Variants in RPS4Y1 observed in about 807,000 individuals in gnomAD.
RPS4Y1 encodes the protein ribosomal protein S4 Y-linked 1.
For missense variants in RPS4Y1, 30 were observed against 60.9 expected (o/e 0.49, Z 1.69); for synonymous variants, 23 against 20.8 (o/e 1.10, Z -0.28).
chrY:2,855,751 A>G (rs2051159515), intron 5 of RPS4Y1, among the ~76,000 whole-genome samples: 1 of 33,943 alleles, frequency 2.9e-5, no homozygotes, highest in Admixed American at 2.6e-4. Flanking sequence ...CTGTTGTTTG[A>G]TTTCAGTGTG....
chrY:2,842,712 A>G, intron 2 of RPS4Y1, among the ~76,000 whole-genome samples: 2 of 33,067 alleles, frequency 6.0e-5, no homozygotes, highest in Non-Finnish European at 1.5e-4. Flanking sequence ...TGTGTGAGAA[A>G]GTCTGGAGGC....
chrY:2,854,550 G>A, intron 4 of RPS4Y1, 50 bp from the exon 5 acceptor site: 1 of 323,876 alleles, frequency 3.1e-6, no homozygotes, highest in Non-Finnish European at 4.6e-6. Flanking sequence ...ACTGCTTTAG[G>A]CTGGCTTTGT....
chrY:2,861,846 T>A, intron 5 of RPS4Y1, among the ~76,000 whole-genome samples: 1 of 30,473 alleles, frequency 3.3e-5, no homozygotes, highest in Non-Finnish European at 7.8e-5. Context: ...ACTCCCAACC[T>A]CAGGTGATCC....
At chrY:2,851,785 C>G in intron 4 of RPS4Y1, among the ~76,000 whole-genome samples, 1 of 32,780 alleles carries the variant, frequency 3.1e-5, no homozygotes, top group Non-Finnish European at 7.5e-5. Context: ...AGTATTTTGC[C>G]TACTGTAGCA....
In RPS4Y1 at chrY:2,865,198, G is replaced by T. The variant is rs749799461; in HGVS notation, c.643G>T (p.Gly215Cys). 1.3e-4 allele frequency: 50 copies of T among 396,201 alleles called. No homozygotes were observed. Among genetic ancestry groups the T allele is most frequent in the Non-Finnish European group, 1.8e-4 (50 of 282,733 alleles). ...FDVVHVKDAN[G>C]NSFATRLSNI... is the part of the protein sequence containing the mutation. ...TGTGGTGCATGTGAAGGATGCCAAT[G>T]GCAACAGCTTTGCCACGAGGCTTTC... Residue 215 changes from glycine (G) to cysteine (C), a missense_variant, in exon 6 of 7, where the codon GGC becomes TGC. Physicochemically the swap from Gly to Cys is radical, Grantham distance 159. Transcript: ENST00000250784.
At chrY:2,852,833 T>A in intron 4 of RPS4Y1, among the ~76,000 whole-genome samples, 1 of 34,013 alleles carries the variant, frequency 2.9e-5, no homozygotes, top group Non-Finnish European at 7.3e-5. Context: ...TAGGAGCCTT[T>A]GTCACCTTTT....
chrY:2,841,647 A>G lies in RPS4Y1; in HGVS notation c.3+20A>G. On this transcript the variant is annotated intron_variant, in intron 1 of 6. Coordinates refer to ENST00000250784, the MANE Select transcript of RPS4Y1 (RefSeq NM_001008.4). Reference sequence around the variant, plus strand: ...GCCATGGTAAGACCGATAGTTCCTAACTCCTAGTATATCTGCCTCCATCAT... The same window carrying G: ...GCCATGGTAAGACCGATAGTTCCTAGCTCCTAGTATATCTGCCTCCATCAT... 2.6e-6 allele frequency: 1 copy of G among 390,122 alleles called. No individual in the cohort carries two copies. Among genetic ancestry groups the G allele is most frequent in the Non-Finnish European group, 3.6e-6 (1 of 276,232 alleles).
chrY:2,847,580 G>A, intron 4 of RPS4Y1, among the ~76,000 whole-genome samples: 1 of 33,450 alleles, frequency 3.0e-5, no homozygotes, highest in South Asian at 6.8e-4. Flanking sequence ...GTGAGTGGGG[G>A]TAGAGAGCAC....
intron 5 of RPS4Y1, among the ~76,000 whole-genome samples, chrY:2,856,012 G>A: frequency 1.5e-4 from 5 of 34,072 alleles, no homozygotes; most frequent in African/African-American, 5.8e-4. Context: ...GTGATCCAGC[G>A]CAGGACTGCA....
chrY:2,843,654 G>A, intron 2 of RPS4Y1, among the ~76,000 whole-genome samples: 1 of 33,636 alleles, frequency 3.0e-5, no homozygotes, highest in Non-Finnish European at 7.4e-5. Flanking sequence ...ACATCGGCAG[G>A]GCTTGTGTGG....
intron 6 of RPS4Y1, among the ~76,000 whole-genome samples, chrY:2,865,881 A>T: frequency 3.1e-5 from 1 of 32,256 alleles, no homozygotes; most frequent in Non-Finnish European, 7.6e-5. Flanking sequence ...TTTTATTTTT[A>T]TTTATTTATT....
intron 4 of RPS4Y1, 56 bp downstream of exon 4, chrY:2,845,799 T>A: frequency 4.0e-6 from 1 of 250,360 alleles, no homozygotes; most frequent in Non-Finnish European, 6.6e-6. Context: ...GGTCGGTTGC[T>A]AAGTTTGTCA....
At chrY:2,860,682 T>G (rs755170999) in intron 5 of RPS4Y1, among the ~76,000 whole-genome samples, 1 of 34,107 alleles carries the variant, frequency 2.9e-5, no homozygotes, top group South Asian at 6.5e-4. Context: ...TTTGAATATG[T>G]CATCCCACTG....
At chrY:2,843,170 T>C (rs2051150305) in intron 2 of RPS4Y1, among the ~76,000 whole-genome samples, 1 of 33,346 alleles carries the variant, frequency 3.0e-5, no homozygotes, top group Non-Finnish European at 7.4e-5. Context: ...TTCCAAGTGC[T>C]ACCTCTGCTA....
At chrY:2,864,114 A>G (rs2051165383) in intron 5 of RPS4Y1, among the ~76,000 whole-genome samples, 1 of 33,701 alleles carries the variant, frequency 3.0e-5, no homozygotes, top group Non-Finnish European at 7.4e-5. Context: ...AGCAATTTTT[A>G]CCTTAGAGAT....
intron 2 of RPS4Y1, among the ~76,000 whole-genome samples, chrY:2,842,597 G>C: frequency 3.1e-5 from 1 of 32,720 alleles, no homozygotes; most frequent in Non-Finnish European, 7.5e-5. Flanking sequence ...TTAATTTAAA[G>C]TTACCCCTTG....
At chrY:2,861,067 CT>C (rs2051163276) in intron 5 of RPS4Y1, among the ~76,000 whole-genome samples, 1 of 32,788 alleles carries the variant, frequency 3.0e-5, no homozygotes, top group Non-Finnish European at 7.5e-5. Context: ...CTTTATTTTT[CT>C]TTTTTCCTTT....
chrY:2,848,144 G>A (rs893630260), intron 4 of RPS4Y1, among the ~76,000 whole-genome samples: 1 of 33,512 alleles, frequency 3.0e-5, no homozygotes, highest in African/African-American at 1.2e-4. Flanking sequence ...ATCTCATAAA[G>A]GTGACAGTTA....
intron 4 of RPS4Y1, among the ~76,000 whole-genome samples, chrY:2,851,061 T>C (rs2051155909): frequency 3.3e-5 from 1 of 30,002 alleles, no homozygotes; most frequent in Admixed American, 3.0e-4. Flanking sequence ...GCCGGGATGG[T>C]CTCGATCTCC....
Sources: allele counts gnomAD v4.1 joint callset (sites outside exome capture counted in the v4.1 genomes callset), GRCh38; gene constraint gnomAD v4.1.1; transcripts MANE v1.5; gene names NCBI Gene and HGNC (gene_info 2026-07-23, HGNC 2026-07-21).